Variants in ACADL observed in about 807,000 individuals in gnomAD.
The protein encoded by ACADL is acyl-CoA dehydrogenase long chain.
Under a neutral mutation model 56.9 loss-of-function variants are expected in ACADL, and 60 were observed. The ratio of observed to expected loss-of-function variants is 1.05; its 90% confidence interval spans 0.86 to 1.31. ACADL has a LOEUF of 1.31. ACADL is among the 50% of genes most tolerant of loss of function. The probability of loss-of-function intolerance (pLI) is 0.00; values close to 1 mark genes in which losing one functional copy is unlikely to be tolerated. For synonymous variants in ACADL, 158 were observed against 179.7 expected, an observed-to-expected ratio of 0.88 and a Z score of 0.97; for missense variants, 484 against 525.5, an observed-to-expected ratio of 0.92 and a Z score of 0.77.
chr2:210,207,427 T>C (rs1688904516), intron 5 of ACADL, among the ~76,000 whole-genome samples: 1 of 151,974 alleles, frequency 6.6e-6, no homozygotes, highest in Admixed American at 6.5e-5. Flanking sequence ...TCTACTAAAC[T>C]ACTTGCTGTC....
Position 210,188,275 on chromosome 2 carries a change from T to A in ACADL, c.*686A>T, listed in dbSNP as rs1258032148. 1 of 152,306 alleles carries A rather than the reference T, an allele frequency of 6.6e-6. No homozygotes were observed. The highest frequency in any genetic ancestry group is 1.5e-5 in the Non-Finnish European group (1 of 68,080). The allele number at this position is 152,306 out of a possible 1,614,324, so 9.4% of individuals were successfully genotyped here. The stretch of plus-strand genomic sequence containing the variant: ...CTTGAAATTAAAAATGATGGATTAT[T>A]CTGTGTTCTCAGATGTCAGCAATTG... On this transcript the variant is annotated 3_prime_UTR_variant, in exon 11 of 11. Transcript: ENST00000233710.
At chr2:210,205,609 A>G (rs757367911) in intron 6 of ACADL, 23 bp downstream of exon 6, 3 of 1,611,168 alleles carry the variant, frequency 1.9e-6, no homozygotes, top group Non-Finnish European at 2.5e-6. Flanking sequence ...TAGTATCTGA[A>G]TATGATTTAC....
chr2:210,188,431 A>G lies in ACADL; in HGVS notation c.*530T>C, dbSNP rs191601306. 3.2e-4 allele frequency: 50 copies of G among 157,212 alleles called. No homozygotes were observed. Among genetic ancestry groups the G allele is most frequent in the Middle Eastern group, 3.3e-3 (1 of 302 alleles). 9.7% of individuals were successfully genotyped at this position (157,212 alleles called of 1,614,324 possible). A position where few individuals can be genotyped will look rare whatever the true frequency, so the allele number is the denominator to read the frequency against. On this transcript the variant is annotated 3_prime_UTR_variant, in exon 11 of 11. Coordinates refer to ENST00000233710, the MANE Select transcript of ACADL (RefSeq NM_001608.4). ...TCTCACTCAGCAGCGTTTCACAGAG[A>G]TGTTCTGCATAAGCTTTTGTTTGAA...
intron 4 of ACADL, 74 bp from the exon 5 acceptor site, chr2:210,210,336 T>G: frequency 2.6e-6 from 3 of 1,147,034 alleles, no homozygotes; most frequent in Non-Finnish European, 3.9e-6. Flanking sequence ...TAAGTATGTA[T>G]GTAAATTAGA....
At chr2:210,199,267 CAGA>C (rs1201381480) in intron 8 of ACADL, among the ~76,000 whole-genome samples, 1 of 151,982 alleles carries the variant, frequency 6.6e-6, no homozygotes, top group East Asian at 1.9e-4. Context: ...ATAGGAAGAT[CAGA>C]AGACATATCT....
At chr2:210,216,324 A>C in intron 4 of ACADL, 23 bp downstream of exon 4, 8 of 1,612,686 alleles carry the variant, frequency 5.0e-6, no homozygotes, top group Non-Finnish European at 5.9e-6. Flanking sequence ...CAAGAATCCA[A>C]AGCCAACTAA....
At chr2:210,205,282 T>C (rs890431684) in intron 6 of ACADL, among the ~76,000 whole-genome samples, 6 of 152,196 alleles carry the variant, frequency 3.9e-5, no homozygotes, top group African/African-American at 1.4e-4. Context: ...GGCCTCAGCC[T>C]CCCAAAGTGC....
At chr2:210,198,097 G>A (rs1688738169) in intron 8 of ACADL, among the ~76,000 whole-genome samples, 1 of 152,120 alleles carries the variant, frequency 6.6e-6, no homozygotes, top group South Asian at 2.1e-4. Flanking sequence ...CAAGGTCATA[G>A]CAGTATTTTT....
chr2:210,206,098 T>G (rs1207421840), intron 5 of ACADL, among the ~76,000 whole-genome samples: 1 of 152,040 alleles, frequency 6.6e-6, no homozygotes, highest in Non-Finnish European at 1.5e-5. Context: ...AACCAAATTG[T>G]CTATTATGAT....
Position 210,193,569 on chromosome 2 carries a change from A to G in ACADL, c.1113-679T>C, listed in dbSNP as rs535957904. ...TCTTTTCTGATAATATCACAATTCT[A>G]TCATTAAAATTCATGATAGAGATTT... On this transcript the variant is annotated intron_variant, in intron 9 of 10. Coordinates refer to ENST00000233710, the MANE Select transcript of ACADL (RefSeq NM_001608.4). Among the ~76,000 whole-genome samples the G allele has an allele frequency of 2.6e-5, 4 of 152,324 alleles. No homozygotes were observed. In the East Asian group the frequency reaches 5.8e-4, roughly 22 times the overall value.
intron 1 of ACADL, among the ~76,000 whole-genome samples, chr2:210,222,748 G>A (rs1436695793): frequency 6.6e-6 from 1 of 152,188 alleles, no homozygotes; most frequent in African/African-American, 2.4e-5. Flanking sequence ...AAGAGTAGAT[G>A]AGGCCAGAGA....
At position 210,225,289 on chromosome 2, in the gene ACADL, G is replaced by T. The variant is rs1392670265; in HGVS notation, c.-26C>A. On this transcript the variant is annotated 5_prime_UTR_variant, in exon 1 of 11. Coordinates refer to ENST00000233710, the MANE Select transcript of ACADL (RefSeq NM_001608.4). ...GTCCGAAACACAGGGGCGGCGGGGC[G>T]ACGGAGGCGACTCTGCGGCTACTCG... 1.3e-6 allele frequency: 2 copies of T among 1,542,750 alleles called. No homozygotes were observed. Among genetic ancestry groups the T allele is most frequent in the Admixed American group, 1.9e-5 (1 of 51,978 alleles).
chr2:210,213,277 A>C (rs548081351), intron 4 of ACADL, among the ~76,000 whole-genome samples: 1 of 152,352 alleles, frequency 6.6e-6, no homozygotes, highest in Admixed American at 6.5e-5. Flanking sequence ...AGACAGGCGG[A>C]TCACCTGAGG....
rs1311495124 is a variant in ACADL, at chr2:210,225,197, G to A, written c.67C>T (p.Pro23Ser). The change falls in exon 1 of 11, where the codon CCC becomes TCC. Residue 23 changes from proline (P) to serine (S), a missense_variant. Pro to Ser is a moderately conservative substitution (Grantham distance 74). Coordinates refer to ENST00000233710, the MANE Select transcript of ACADL (RefSeq NM_001608.4). ...CCGGCTGGCACTCACCGCGCGGCGG[G>A]CAGCTGGCGCGGCGCACGGTGGCCG... ...LGGHRAPRQL[P>S]AARCSHSGGE... is the part of the protein sequence containing the mutation. 1.3e-6 allele frequency: 2 copies of A among 1,535,938 alleles called. No individual in the cohort carries two copies. The highest frequency in any genetic ancestry group is 2.0e-5 in the Admixed American group (1 of 51,206).
intron 4 of ACADL, among the ~76,000 whole-genome samples, chr2:210,215,719 T>A (rs1689074922): frequency 6.6e-6 from 1 of 152,184 alleles, no homozygotes; most frequent in Non-Finnish European, 1.5e-5. Flanking sequence ...TTTTTCCCTA[T>A]CCCACCAAAC....
At position 210,216,614 on chromosome 2, in the gene ACADL, C is replaced by T. The variant is rs573851604; in HGVS notation, c.372-103G>A. On this transcript the variant is annotated intron_variant, in intron 3 of 10. Transcript: ENST00000233710. ...GTCCTATCAAATTGTTTGGTAGTGGCCTATCTCATCACAAACCTATGACAT... is the reference window on the plus strand; with the variant it reads ...GTCCTATCAAATTGTTTGGTAGTGGTCTATCTCATCACAAACCTATGACAT... 25 of 1,063,188 alleles carry T rather than the reference C, an allele frequency of 2.4e-5. No individual in the cohort carries two copies. The South Asian group carries it at 3.3e-4, about 14-fold the overall frequency. The allele number at this position is 1,063,188 out of a possible 1,614,324, so 65.9% of individuals were successfully genotyped here. A position where few individuals can be genotyped will look rare whatever the true frequency, so the allele number is the denominator to read the frequency against.
intron 4 of ACADL, among the ~76,000 whole-genome samples, chr2:210,214,162 A>T (rs1171200684): frequency 6.6e-6 from 1 of 152,158 alleles, no homozygotes; most frequent in African/African-American, 2.4e-5. Context: ...TTTTTCAACA[A>T]TTGCAACATT....
intron 8 of ACADL, 88 bp from the exon 9 acceptor site, chr2:210,195,426 A>G (rs1289495828): frequency 3.6e-6 from 5 of 1,405,104 alleles, no homozygotes; most frequent in Non-Finnish European, 5.0e-6. Flanking sequence ...TTATACAATA[A>G]AAGATCTTTA....
intron 2 of ACADL, 100 bp downstream of exon 2, chr2:210,220,547 G>T: frequency 9.0e-7 from 1 of 1,111,572 alleles, no homozygotes; most frequent in Non-Finnish European, 1.4e-6. Context: ...ATAAAGCCCT[G>T]AACATACTAT....
Sources: allele counts gnomAD v4.1 joint callset (sites outside exome capture counted in the v4.1 genomes callset), GRCh38; gene constraint gnomAD v4.1.1; transcripts MANE v1.5; gene names NCBI Gene and HGNC (gene_info 2026-07-23, HGNC 2026-07-21).